Variants in CFAP141 observed in about 807,000 individuals in gnomAD.
The protein encoded by CFAP141 is cilia- and flagella-associated protein 141.
chr1:154,200,397 T>G, the CFAP141 span: 1 of 1,571,226 alleles, frequency 6.4e-7, no homozygotes. Context: ...CTTGGAAAAC[T>G]CAATGGGCAA....
chr1:154,205,425 A>C, the CFAP141 span, among the ~76,000 whole-genome samples: 119 of 152,326 alleles, frequency 7.8e-4, no homozygotes, highest in African/African-American at 2.6e-3. Context: ...GTAGGCACTA[A>C]GAGGCTGATC....
chr1:154,202,634 A>C, the CFAP141 span, among the ~76,000 whole-genome samples: 1 of 150,026 alleles, frequency 6.7e-6, no homozygotes, highest in African/African-American at 2.5e-5. Context: ...CCCCGTCTCT[A>C]CTAAAAATAT....
At chr1:154,205,683 CCT>C in the CFAP141 span, 1 of 1,577,596 alleles carries the variant, frequency 6.3e-7, no homozygotes, top group Non-Finnish European at 8.7e-7. Flanking sequence ...GTCTCCAGAA[CCT>C]CTATTCTAAT....
the CFAP141 span, chr1:154,205,721 T>C: frequency 8.0e-7 from 1 of 1,250,522 alleles, no homozygotes; most frequent in Non-Finnish European, 1.2e-6. Context: ...TTTTTTTTTT[T>C]GAGACAGAGT....
chr1:154,204,603 G>A, the CFAP141 span, among the ~76,000 whole-genome samples: 4 of 151,286 alleles, frequency 2.6e-5, no homozygotes, highest in African/African-American at 9.7e-5. Context: ...TTTTGAGACA[G>A]GGTTTTCCTC....
the CFAP141 span, among the ~76,000 whole-genome samples, chr1:154,201,531 G>C: frequency 6.6e-6 from 1 of 151,998 alleles, no homozygotes; most frequent in Non-Finnish European, 1.5e-5. Flanking sequence ...GGGACTACAG[G>C]CATGTGCCAC....
chr1:154,199,642 T>G, the CFAP141 span: 14 of 721,796 alleles, frequency 1.9e-5, no homozygotes, highest in Middle Eastern at 5.0e-4. Context: ...TGGACTTAGC[T>G]GTGACATAAA....
At chr1:154,199,516 C>A in the CFAP141 span, 3 of 1,610,684 alleles carry the variant, frequency 1.9e-6, no homozygotes, top group Middle Eastern at 1.7e-4. Flanking sequence ...TGGTGCAGGG[C>A]AGCTTGACGG....
the CFAP141 span, among the ~76,000 whole-genome samples, chr1:154,201,669 T>G: frequency 3.3e-4 from 50 of 152,286 alleles, no homozygotes; most frequent in African/African-American, 1.1e-3. Flanking sequence ...ATTACAGGTA[T>G]GAGCCACCGC....
chr1:154,205,038 T>A, the CFAP141 span, among the ~76,000 whole-genome samples: 1 of 151,632 alleles, frequency 6.6e-6, no homozygotes, highest in Admixed American at 6.6e-5. Context: ...CACACTACCA[T>A]GCCTGGCTAA....
chr1:154,202,051 C>T, the CFAP141 span, among the ~76,000 whole-genome samples: 1 of 152,076 alleles, frequency 6.6e-6, no homozygotes, highest in Admixed American at 6.6e-5. Flanking sequence ...ATTCTCCTGC[C>T]TCAGACTCCT....
the CFAP141 span, chr1:154,205,624 G>A: frequency 6.2e-7 from 1 of 1,613,988 alleles, no homozygotes; most frequent in Non-Finnish European, 8.5e-7. Context: ...TAAGTCCCAT[G>A]GCCTTTTGAA....
At chr1:154,199,607 C>T in the CFAP141 span, 24 of 965,700 alleles carry the variant, frequency 2.5e-5, no homozygotes, top group Non-Finnish European at 3.4e-5. Context: ...TAGTTGTTTT[C>T]CCATTATTTG....
the CFAP141 span, among the ~76,000 whole-genome samples, chr1:154,204,871 GT>G: frequency 3.5e-3 from 462 of 133,856 alleles, 1 homozygote; most frequent in Middle Eastern, 8.0e-3. Flanking sequence ...TTGCATCAGT[GT>G]TTTTTTTTTT....
chr1:154,200,440 T>C, the CFAP141 span: 1 of 1,613,394 alleles, frequency 6.2e-7, no homozygotes, highest in Non-Finnish European at 8.5e-7. Context: ...AGACTTCAGG[T>C]TGCCCTGCTA....
the CFAP141 span, among the ~76,000 whole-genome samples, chr1:154,203,176 T>C: frequency 6.5e-4 from 1 of 1,534 alleles, no homozygotes; most frequent in Non-Finnish European, 1.1e-3. Flanking sequence ...TGGGCAAATA[T>C]ATATATATAT....
the CFAP141 span, among the ~76,000 whole-genome samples, chr1:154,203,851 G>A: frequency 1.3e-5 from 2 of 152,088 alleles, no homozygotes; most frequent in Non-Finnish European, 2.9e-5. Flanking sequence ...AAGGCAGGCC[G>A]ATTACTTGAG....
chr1:154,206,050 G>A, the CFAP141 span, among the ~76,000 whole-genome samples: 4,400 of 152,182 alleles, frequency 0.029, 207 homozygotes, highest in African/African-American at 0.098. Flanking sequence ...AATAGGGAGA[G>A]GAAAGCTCTA....
the CFAP141 span, chr1:154,199,462 G>A: frequency 1.9e-6 from 3 of 1,613,146 alleles, no homozygotes; most frequent in Non-Finnish European, 2.5e-6. Context: ...TTGCCCATCT[G>A]ATTTAGTTCC....
Sources: gnomAD v4.1 joint callset for allele counts (sites outside exome capture counted in the v4.1 genomes callset) on GRCh38, gnomAD v4.1.1 for gene constraint, MANE v1.5 for transcripts, NCBI Gene and HGNC (gene_info 2026-07-23, HGNC 2026-07-21) for gene names.